Variants in ECD observed in about 807,000 individuals in gnomAD.
ECD encodes the protein ecdysoneless cell cycle regulator.
In ECD, 59 loss-of-function variants were observed where a neutral mutation model predicts 77.2. The observed-to-expected ratio is 0.76, with a 90% CI of 0.62 to 0.95. ECD has a LOEUF of 0.95. Among genes scored for constraint, ECD ranks in the 40% least tolerant of loss-of-function variants. The pLI is 0.00. For missense variants in ECD, 704 were observed against 763.4 expected, an observed-to-expected ratio of 0.92 and a Z score of 0.92; for synonymous variants, 233 against 267.4, an observed-to-expected ratio of 0.87 and a Z score of 1.26.
chr10:73,154,600 T>C lies in ECD; in HGVS notation c.591-152A>G, dbSNP rs966739377. 11 of 601,612 alleles carry C rather than the reference T, an allele frequency of 1.8e-5. No homozygotes were observed. The African/African-American group carries it at 2.1e-4, about 11-fold the overall frequency. 37.3% of individuals were successfully genotyped at this position (601,612 alleles called of 1,614,324 possible). The stretch of plus-strand genomic sequence containing the variant: ...TGAAAAAAGATACTGTATATACACT[T>C]AAGAATATACGAGAGAGGGAAAGAA... On this transcript the variant is annotated intron_variant, in intron 5 of 13. Transcript: ENST00000372979.
At chr10:73,142,978 A>G (rs2133252849) in intron 9 of ECD, among the ~76,000 whole-genome samples, 1 of 152,174 alleles carries the variant, frequency 6.6e-6, no homozygotes, top group South Asian at 2.1e-4. Flanking sequence ...CTTTTTCTTC[A>G]TAGCACTTAC....
chr10:73,156,161 A>G (rs1843292436), intron 5 of ECD, 114 bp downstream of exon 5: 1 of 924,102 alleles, frequency 1.1e-6, no homozygotes, highest in Non-Finnish European at 1.6e-6. Context: ...AGTCAAAGAA[A>G]GACTGATCAA....
At position 73,160,540 on chromosome 10, in the gene ECD, C is replaced by A; in HGVS notation, c.217G>T (p.Ala73Ser). The change falls in exon 3 of 14, where the codon GCT becomes TCT. Residue 73 changes from alanine (A) to serine (S), a missense_variant. Around this residue, in one of 3 missense-constraint regions of ECD, gnomAD observed 559 missense variants for 583.7 expected, o/e 0.96. Coordinates refer to ENST00000372979, the MANE Select transcript of ECD (RefSeq NM_007265.3). ...AACTTTGTCACGCCAAACATATGAG[C>A]AGGAACACCTCCTAAAAACAAGAGA... The part of the protein sequence containing the change: ...KYKPGKGGVP[A>S]HMFGVTKFGD... 6.2e-7 allele frequency: 1 copy of A among 1,602,892 alleles called. No homozygotes were observed. Among genetic ancestry groups the A allele is most frequent in the Non-Finnish European group, 8.5e-7 (1 of 1,176,534 alleles).
chr10:73,163,776 G>A lies in ECD; in HGVS notation c.162C>T (p.Ile54=). 1 of 1,614,138 alleles carries A rather than the reference G, an allele frequency of 6.2e-7. No individual in the cohort carries two copies. Among genetic ancestry groups the A allele is most frequent in the Non-Finnish European group, 8.5e-7 (1 of 1,180,038 alleles). Residue 54 remains isoleucine (I), a synonymous_variant, in exon 2 of 14, where the codon ATC becomes ATT. Transcript: ENST00000372979. ...TRFAPMLVPY[I]WQNQPFNLKY... is the part of the protein sequence containing the mutation. ...TAAGATTGAAAGGCTGATTCTGCCA[G>A]ATGTAGGGGACCAGCATAGGTGCAA...
At chr10:73,153,828 T>C (rs1843255322) in intron 6 of ECD, among the ~76,000 whole-genome samples, 1 of 151,926 alleles carries the variant, frequency 6.6e-6, no homozygotes, top group Non-Finnish European at 1.5e-5. Context: ...GGCAGGTCTC[T>C]TGAAAATTTC....
intron 1 of ECD, among the ~76,000 whole-genome samples, chr10:73,166,271 T>G (rs527394783): frequency 6.6e-6 from 1 of 152,316 alleles, no homozygotes; most frequent in South Asian, 2.1e-4. Context: ...CTGAGAATAG[T>G]GCTGCGATAA....
At position 73,163,725 on chromosome 10, in the gene ECD, A is replaced by C. The variant is rs1843410275; in HGVS notation, c.205+8T>G. ...TCACACTAATCCAAACAAGTAAAAG[A>C]GCCTTACCTTTCCCAGGTTTATATT... On this transcript the variant is annotated splice_region_variant and intron_variant, in intron 2 of 13. Coordinates refer to ENST00000372979, the MANE Select transcript of ECD (RefSeq NM_007265.3). The C allele has an allele frequency of 6.2e-7, 1 of 1,613,406 alleles. No individual in the cohort carries two copies. The highest frequency in any genetic ancestry group is 1.1e-5 in the South Asian group (1 of 91,056).
intron 1 of ECD, among the ~76,000 whole-genome samples, chr10:73,167,032 G>A (rs371513293): frequency 1.3e-5 from 2 of 152,108 alleles, no homozygotes; most frequent in African/African-American, 4.8e-5. Context: ...TTCTGCATAC[G>A]GGTATCAGTT....
chr10:73,146,774 G>GA (rs1384798771), intron 8 of ECD, among the ~76,000 whole-genome samples: 3 of 144,670 alleles, frequency 2.1e-5, no homozygotes, highest in East Asian at 2.0e-4. Flanking sequence ...CTGCCTCTAT[G>GA]AAAAAAAAAA....
intron 9 of ECD, among the ~76,000 whole-genome samples, chr10:73,142,202 T>A (rs1469643327): frequency 6.6e-6 from 1 of 150,644 alleles, no homozygotes; most frequent in Non-Finnish European, 1.5e-5. Flanking sequence ...AGAGATGGGG[T>A]TTCACCATGT....
intron 11 of ECD, 133 bp downstream of exon 11, chr10:73,139,176 T>C (rs781365976): frequency 4.8e-6 from 4 of 827,444 alleles, no homozygotes; most frequent in Non-Finnish European, 5.3e-6. Context: ...ATCACTATAC[T>C]AGGCACAAAA....
At chr10:73,165,550 C>T (rs1181874386) in intron 1 of ECD, among the ~76,000 whole-genome samples, 2 of 150,804 alleles carry the variant, frequency 1.3e-5, no homozygotes, top group Non-Finnish European at 3.0e-5. Flanking sequence ...CGGGGTTTTA[C>T]CATATTGGCC....
intron 1 of ECD, among the ~76,000 whole-genome samples, chr10:73,166,931 G>A (rs1554851824): frequency 2.0e-5 from 3 of 152,132 alleles, no homozygotes; most frequent in Non-Finnish European, 4.4e-5. Flanking sequence ...CCTTTTAGTA[G>A]TTTCATAGTT....
intron 12 of ECD, among the ~76,000 whole-genome samples, chr10:73,137,463 C>T (rs571042415): frequency 2.4e-4 from 36 of 152,152 alleles, no homozygotes; most frequent in South Asian, 1.0e-3. Flanking sequence ...TTTAAACACA[C>T]AGCATTCAGT....
chr10:73,163,790 G>C lies in ECD; in HGVS notation c.148C>G (p.Leu50Val). 1 of 1,614,166 alleles carries C rather than the reference G, an allele frequency of 6.2e-7. No individual in the cohort carries two copies. The change falls in exon 2 of 14, where the codon CTG becomes GTG. Residue 50 changes from leucine (L) to valine (V), a missense_variant. This residue lies in a region of ECD where 559 missense variants were observed against 583.7 expected (regional missense o/e 0.96). Coordinates refer to ENST00000372979, the MANE Select transcript of ECD (RefSeq NM_007265.3). Reference protein sequence around the residue: ...ERIITRFAPMLVPYIWQNQPF... With the variant: ...ERIITRFAPMVVPYIWQNQPF... ...TGATTCTGCCAGATGTAGGGGACCA[G>C]CATAGGTGCAAACCGAGTGATTATT...
intron 2 of ECD, among the ~76,000 whole-genome samples, chr10:73,163,195 A>C (rs933727056): frequency 6.6e-6 from 1 of 152,192 alleles, no homozygotes; most frequent in Admixed American, 6.5e-5. Flanking sequence ...CAGAGGTCAG[A>C]TCTCAAGCAC....
intron 4 of ECD, 44 bp downstream of exon 4, chr10:73,156,524 C>A: frequency 6.2e-7 from 1 of 1,611,964 alleles, no homozygotes; most frequent in South Asian, 1.1e-5. Flanking sequence ...TGTAATGCAG[C>A]ATGATTTCAT....
At chr10:73,152,092 T>C (rs1387736128) in intron 7 of ECD, among the ~76,000 whole-genome samples, 2 of 152,224 alleles carry the variant, frequency 1.3e-5, no homozygotes, top group Non-Finnish European at 2.9e-5. Context: ...GGAATCAACT[T>C]CAATTTTTCA....
chr10:73,160,965 T>G (rs1386094707), intron 2 of ECD, among the ~76,000 whole-genome samples: 2 of 152,204 alleles, frequency 1.3e-5, no homozygotes, highest in African/African-American at 4.8e-5. Context: ...GCAGAAGTTT[T>G]CAAACATGTG....
Sources: allele counts gnomAD v4.1 joint callset (sites outside exome capture counted in the v4.1 genomes callset), GRCh38; gene constraint gnomAD v4.1.1; regional missense constraint gnomAD v4.1.1; transcripts MANE v1.5; gene names NCBI Gene and HGNC (gene_info 2026-07-23, HGNC 2026-07-21).